Variants in MAP3K5 observed in about 807,000 individuals in gnomAD.
MAP3K5 encodes mitogen-activated protein kinase kinase kinase 5, also known as ASK-1.
In MAP3K5, 56 loss-of-function variants were observed where a neutral mutation model predicts 158.7. The observed-to-expected ratio is 0.35, with a 90% confidence interval of 0.28 to 0.44. The LOEUF (loss-of-function observed/expected upper bound fraction) is 0.44, where lower values mean the gene tolerates loss of function less well. MAP3K5 is among the 20% of genes least tolerant of loss of function. The pLI is 1.00. For synonymous variants in MAP3K5, 579 were observed against 601.7 expected, an observed-to-expected ratio of 0.96 and a Z score of 0.55; for missense variants, 1,294 against 1,674.8, an observed-to-expected ratio of 0.77 and a Z score of 3.97.
At chr6:136,574,683 C>CTTTTTTTTTTT (rs1223054758) in intron 25 of MAP3K5, among the ~76,000 whole-genome samples, 2 of 108,550 alleles carry the variant, frequency 1.8e-5, no homozygotes, top group African/African-American at 3.7e-5. Context: ...AGATTAAACA[C>CTTTTTTTTTTT]TTTTTTTTTT....
chr6:136,759,186 G>C (rs1293080309), intron 1 of MAP3K5, among the ~76,000 whole-genome samples: 1 of 151,732 alleles, frequency 6.6e-6, no homozygotes, highest in Non-Finnish European at 1.5e-5. Context: ...TAAAATAAAA[G>C]AATAGACTTT....
intron 25 of MAP3K5, among the ~76,000 whole-genome samples, chr6:136,575,143 T>G (rs1357741755): frequency 6.6e-6 from 1 of 151,094 alleles, no homozygotes; most frequent in Non-Finnish European, 1.5e-5. Flanking sequence ...ACCAGGAAAT[T>G]AACATTGATA....
At chr6:136,786,667 A>AATATAGT (rs1344827852) in intron 1 of MAP3K5, among the ~76,000 whole-genome samples, 1 of 152,204 alleles carries the variant, frequency 6.6e-6, no homozygotes, top group Non-Finnish European at 1.5e-5. Flanking sequence ...AAGAAATTAA[A>AATATAGT]ATATAGTTAA....
intron 1 of MAP3K5, among the ~76,000 whole-genome samples, chr6:136,764,833 G>A (rs887779954): frequency 6.6e-6 from 1 of 152,112 alleles, no homozygotes; most frequent in Admixed American, 6.5e-5. Flanking sequence ...GATTATGTAA[G>A]AGGCAGAACT....
chr6:136,608,358 T>C (rs545114737), intron 18 of MAP3K5, among the ~76,000 whole-genome samples: 1 of 151,092 alleles, frequency 6.6e-6, no homozygotes, highest in African/African-American at 2.4e-5. Context: ...GTGCTGAGAG[T>C]AGACAGTAGG....
chr6:136,760,176 T>C (rs1582656439), intron 1 of MAP3K5, among the ~76,000 whole-genome samples: 1 of 152,310 alleles, frequency 6.6e-6, no homozygotes, highest in African/African-American at 2.4e-5. Context: ...ATTAGGATAG[T>C]CCAATTGCAA....
intron 7 of MAP3K5, among the ~76,000 whole-genome samples, chr6:136,687,544 C>T (rs1391630607): frequency 6.6e-6 from 1 of 152,110 alleles, no homozygotes. Flanking sequence ...GGGCTAATAT[C>T]CAGAATCTAC....
At chr6:136,641,456 C>T (rs148297603) in intron 12 of MAP3K5, among the ~76,000 whole-genome samples, 2 of 152,186 alleles carry the variant, frequency 1.3e-5, no homozygotes, top group East Asian at 3.9e-4. Flanking sequence ...TTAGCATGAG[C>T]TTCAATAGAA....
In MAP3K5 at chr6:136,592,300, G is replaced by A; in HGVS notation, c.3098C>T (p.Ser1033Phe). 1 of 1,606,874 alleles carries A rather than the reference G, an allele frequency of 6.2e-7. No individual in the cohort carries two copies. Among genetic ancestry groups the A allele is most frequent in the Non-Finnish European group, 8.5e-7 (1 of 1,176,852 alleles). ...ENFEDHSAPP[S>F]PEEKDSGFFM... is the part of the protein sequence containing the mutation. ...GAATCCAGAATCTTTTTCTTCAGGGGAAGGAGGAGCACTGTGATCTTCAAA... is the reference window on the plus strand; with the variant it reads ...GAATCCAGAATCTTTTTCTTCAGGGAAAGGAGGAGCACTGTGATCTTCAAA... Residue 1033 changes from serine to phenylalanine, a missense_variant, in exon 23 of 30, where the codon TCC (serine) becomes TTC (phenylalanine). Transcript: ENST00000359015.
chr6:136,581,425 T>TTA (rs1774871191), intron 24 of MAP3K5, among the ~76,000 whole-genome samples: 1 of 152,248 alleles, frequency 6.6e-6, no homozygotes, highest in African/African-American at 2.4e-5. Context: ...TACTACCTGC[T>TTA]GGCTTACACA....
intron 21 of MAP3K5, 114 bp from the exon 22 acceptor site, chr6:136,592,728 A>T: frequency 1.1e-6 from 1 of 907,792 alleles, no homozygotes; most frequent in Non-Finnish European, 1.8e-6. Context: ...TGCAATGAGC[A>T]GCATAATTAT....
chr6:136,712,179 T>TG (rs1781337940), intron 2 of MAP3K5, among the ~76,000 whole-genome samples: 1 of 151,100 alleles, frequency 6.6e-6, no homozygotes, highest in African/African-American at 2.4e-5. Context: ...ATAGAGCTTT[T>TG]TTTTTTTTTT....
At chr6:136,767,393 G>A (rs1041080799) in intron 1 of MAP3K5, among the ~76,000 whole-genome samples, 2 of 151,792 alleles carry the variant, frequency 1.3e-5, no homozygotes, top group African/African-American at 4.8e-5. Flanking sequence ...AGGAAGGGAG[G>A]GGTGAGGAAG....
chr6:136,792,134 G>C lies in MAP3K5; in HGVS notation c.24C>G (p.Gly8=). Residue 8 remains glycine (G), a synonymous_variant, in exon 1 of 30, where the codon GGC becomes GGG. Transcript: ENST00000359015. This position sits in a 1 kb window ranked among gnomAD's most constrained non-coding sequence, Gnocchi z 5.7. ...CGAAGGGTGGCACAGAGAAAGTGATGCCCTCGTCCGCCTCCGTGCTCATCT... is the reference window on the plus strand; with the variant it reads ...CGAAGGGTGGCACAGAGAAAGTGATCCCCTCGTCCGCCTCCGTGCTCATCT... The part of the protein sequence containing the change: MSTEADE[G]ITFSVPPFAP... The C allele has an allele frequency of 6.3e-7, 1 of 1,575,422 alleles. No individual in the cohort carries two copies. The highest frequency in any genetic ancestry group is 8.6e-7 in the Non-Finnish European group (1 of 1,163,370).
chr6:136,622,763 T>A, intron 15 of MAP3K5, 85 bp downstream of exon 15: 1 of 1,407,498 alleles, frequency 7.1e-7, no homozygotes, highest in Non-Finnish European at 9.8e-7. Flanking sequence ...GTTTCATTCA[T>A]TAGAATATCA....
intron 15 of MAP3K5, among the ~76,000 whole-genome samples, chr6:136,618,029 G>T (rs763291884): frequency 2.6e-5 from 4 of 152,218 alleles, no homozygotes; most frequent in Non-Finnish European, 5.9e-5. Flanking sequence ...GGTGGATGAT[G>T]AGAGCATACT....
intron 18 of MAP3K5, among the ~76,000 whole-genome samples, chr6:136,607,491 T>C (rs1170363660): frequency 6.6e-6 from 1 of 152,200 alleles, no homozygotes; most frequent in Non-Finnish European, 1.5e-5. Context: ...CATAATATTT[T>C]AAACAAAGCA....
intron 1 of MAP3K5, among the ~76,000 whole-genome samples, chr6:136,786,800 C>CTTTTTTT (rs11296757): frequency 9.9e-6 from 1 of 101,186 alleles, no homozygotes; most frequent in African/African-American, 4.1e-5. Context: ...TTAAGTTCTT[C>CTTTTTTT]TTTTTTTTTT....
chr6:136,620,088 G>A (rs1166696821), intron 15 of MAP3K5, among the ~76,000 whole-genome samples: 2 of 152,150 alleles, frequency 1.3e-5, no homozygotes, highest in African/African-American at 4.8e-5. Context: ...TGGCCAACAT[G>A]GTGAAACTCT....
Sources: allele counts gnomAD v4.1 joint callset (sites outside exome capture counted in the v4.1 genomes callset), GRCh38; gene constraint gnomAD v4.1.1; non-coding constraint Gnocchi (gnomAD v3.1); transcripts MANE v1.5; gene names NCBI Gene and HGNC (gene_info 2026-07-23, HGNC 2026-07-21).